MAP4K3: variants seen among roughly 807,000 people sequenced by gnomAD.
The protein encoded by MAP4K3 is MAPK/ERK kinase kinase kinase 3.
MAP4K3 carries 94 observed loss-of-function variants against 143.5 expected under a neutral mutation model. The ratio of observed to expected loss-of-function variants is 0.65; its 90% CI spans 0.55 to 0.78. MAP4K3 has a LOEUF of 0.78. Ranked by LOEUF, MAP4K3 falls within the 30% of genes least tolerant of loss-of-function variation. The probability of loss-of-function intolerance (pLI) is 0.00; values close to 1 mark genes in which losing one functional copy is unlikely to be tolerated. For synonymous variants in MAP4K3, 416 were observed against 347.2 expected (o/e 1.20, Z -2.20); for missense variants, 1,077 against 1,068.1 (o/e 1.01, Z -0.12).
intron 3 of MAP4K3, among the ~76,000 whole-genome samples, chr2:39,352,289 T>G (rs1293352663): frequency 6.6e-6 from 1 of 152,092 alleles, no homozygotes; most frequent in East Asian, 1.9e-4. Flanking sequence ...AGACTCTGTA[T>G]CAAAAAAAAT....
chr2:39,357,555 G>T (rs1665646020), intron 2 of MAP4K3, among the ~76,000 whole-genome samples: 1 of 152,174 alleles, frequency 6.6e-6, no homozygotes, highest in Non-Finnish European at 1.5e-5. Flanking sequence ...TACAAGGAAA[G>T]AAATAATGGA....
chr2:39,250,658 C>T lies in MAP4K3; in HGVS notation c.2645G>A (p.Ser882Asn). 6.2e-7 allele frequency: 1 copy of T among 1,613,942 alleles called. No individual in the cohort carries two copies. Among genetic ancestry groups the T allele is most frequent in the Non-Finnish European group, 8.5e-7 (1 of 1,179,902 alleles). ...SRPTDNPTAN[S>N]NLYILAGHEN... ...ATGACCCGCCAGGATGTACAAATTG[C>T]TATTTGCTGTGGGGTTATCAGTTGG... Residue 882 changes from serine (S) to asparagine (N), a missense_variant, in exon 34 of 34, where the codon AGC becomes AAC. By Grantham distance (46) the Ser-to-Asn change is conservative. Around this residue, in one of 2 missense-constraint regions of MAP4K3, gnomAD observed 864 missense variants for 801.2 expected, o/e 1.08. Coordinates refer to ENST00000263881, the MANE Select transcript of MAP4K3 (RefSeq NM_003618.4).
intron 3 of MAP4K3, among the ~76,000 whole-genome samples, chr2:39,355,522 ACT>A (rs963749714): frequency 4.0e-5 from 6 of 151,882 alleles, no homozygotes; most frequent in African/African-American, 9.7e-5. Flanking sequence ...ACAGAGTGAG[ACT>A]CTGTCCCGCC....
intron 13 of MAP4K3, among the ~76,000 whole-genome samples, chr2:39,314,622 T>G (rs924424931): frequency 6.6e-6 from 1 of 152,184 alleles, no homozygotes; most frequent in African/African-American, 2.4e-5. Context: ...GAATAAATGC[T>G]TCTAAGGAAT....
chr2:39,325,913 CTTTAG>C lies in MAP4K3; in HGVS notation c.706_710del (p.Leu236GlyfsTer2), dbSNP rs763563171. ...AAAATACTTACCATTTCATTTTATCCTTTAGTTTAGGAGGCTGAAAATTGCTTTTT... is the reference window on the plus strand; with the variant it reads ...AAAATACTTACCATTTCATTTTATCCTTTAGGAGGCTGAAAATTGCTTTTT... On this transcript the variant is annotated frameshift_variant, in exon 10 of 34. Coordinates refer to ENST00000263881, the MANE Select transcript of MAP4K3 (RefSeq NM_003618.4). LOFTEE classifies it high-confidence loss of function. 7 of 1,590,746 alleles carry C rather than the reference CTTTAG, an allele frequency of 4.4e-6. No individual in the cohort carries two copies. Among genetic ancestry groups the C allele is most frequent in the Admixed American group, 1.7e-5 (1 of 58,418 alleles).
chr2:39,426,886 G>A (rs1176597366), intron 1 of MAP4K3, among the ~76,000 whole-genome samples: 3 of 151,954 alleles, frequency 2.0e-5, no homozygotes, highest in Non-Finnish European at 4.4e-5. Flanking sequence ...GCTCTAAAGA[G>A]AAACAAGAAA....
At chr2:39,287,517 G>A (rs961982561) in intron 20 of MAP4K3, among the ~76,000 whole-genome samples, 1 of 151,882 alleles carries the variant, frequency 6.6e-6, no homozygotes, top group Non-Finnish European at 1.5e-5. Flanking sequence ...TGGTCAGGCT[G>A]GTCTCAAACT....
intron 1 of MAP4K3, among the ~76,000 whole-genome samples, chr2:39,429,175 A>G (rs541719612): frequency 6.6e-6 from 1 of 152,244 alleles, no homozygotes; most frequent in East Asian, 1.9e-4. Context: ...TTTTAATGAA[A>G]ACTGAAAATA....
intron 2 of MAP4K3, among the ~76,000 whole-genome samples, chr2:39,363,126 CA>C (rs1239262761): frequency 6.6e-6 from 1 of 151,910 alleles, no homozygotes; most frequent in Non-Finnish European, 1.5e-5. Flanking sequence ...AAACACAGGC[CA>C]AAACATTCAT....
At chr2:39,288,005 T>A (rs1196755361) in intron 20 of MAP4K3, 116 bp downstream of exon 20, 1 of 1,283,832 alleles carries the variant, frequency 7.8e-7, no homozygotes, top group African/African-American at 1.5e-5. Flanking sequence ...CCATAGCCAC[T>A]GCTTTCCTTC....
At chr2:39,409,381 C>G (rs777035987) in intron 1 of MAP4K3, among the ~76,000 whole-genome samples, 1 of 152,162 alleles carries the variant, frequency 6.6e-6, no homozygotes, top group Non-Finnish European at 1.5e-5. Flanking sequence ...GCTGGCTCCC[C>G]TAACCTCTCT....
At chr2:39,318,574 T>G (rs551633020) in intron 12 of MAP4K3, among the ~76,000 whole-genome samples, 3 of 152,118 alleles carry the variant, frequency 2.0e-5, no homozygotes, top group Non-Finnish European at 4.4e-5. Flanking sequence ...GTAACTAATA[T>G]ATGATATTTA....
intron 1 of MAP4K3, among the ~76,000 whole-genome samples, chr2:39,428,738 T>G (rs2148636148): frequency 6.6e-6 from 1 of 152,184 alleles, no homozygotes; most frequent in Non-Finnish European, 1.5e-5. Flanking sequence ...AATAGTCATT[T>G]TGCCTGTTTC....
chr2:39,435,326 CA>C (rs1373712531), intron 1 of MAP4K3, among the ~76,000 whole-genome samples: 2 of 152,200 alleles, frequency 1.3e-5, no homozygotes, highest in Admixed American at 6.5e-5. Flanking sequence ...TTGTCCTAAA[CA>C]AGTCCGATCT....
Position 39,291,954 on chromosome 2 carries a change from T to A in MAP4K3, c.1271+819A>T, listed in dbSNP as rs373095626. On this transcript the variant is annotated intron_variant, in intron 18 of 33. Coordinates refer to ENST00000263881, the MANE Select transcript of MAP4K3 (RefSeq NM_003618.4). The stretch of plus-strand genomic sequence containing the variant: ...TGAGGATTTCAAGGCCTAGAAAGTT[T>A]ATGTAACTTTACCCAAGATCAACCT... 7.9e-5 allele frequency among the ~76,000 whole-genome samples: 12 copies of A among 152,238 alleles called. No homozygotes were observed. The East Asian group carries it at 1.9e-3, about 25-fold the overall frequency.
chr2:39,261,021 C>T (rs1378700116), intron 28 of MAP4K3: 11 of 350,980 alleles, frequency 3.1e-5, no homozygotes, highest in East Asian at 1.9e-4. Context: ...TTATAAGTCA[C>T]GTGTCCAACC....
intron 21 of MAP4K3, among the ~76,000 whole-genome samples, chr2:39,285,983 G>A (rs1307479908): frequency 6.6e-6 from 1 of 152,186 alleles, no homozygotes; most frequent in African/African-American, 2.4e-5. Flanking sequence ...TAACATTTGT[G>A]ATAGGAGTAG....
At chr2:39,280,461 T>C in intron 22 of MAP4K3, 105 bp from the exon 23 acceptor site, 1 of 481,356 alleles carries the variant, frequency 2.1e-6, no homozygotes, top group Non-Finnish European at 3.6e-6. Flanking sequence ...ATAGATAGTA[T>C]ACTGAAATTA....
chr2:39,257,353 G>A (rs571261952), intron 31 of MAP4K3, among the ~76,000 whole-genome samples: 15 of 152,214 alleles, frequency 9.9e-5, no homozygotes, highest in African/African-American at 3.6e-4. Flanking sequence ...AGAATGACAA[G>A]AAGGAACTTC....
Sources: gnomAD v4.1 joint callset for allele counts (sites outside exome capture counted in the v4.1 genomes callset) on GRCh38, gnomAD v4.1.1 for gene constraint, gnomAD v4.1.1 regional missense constraint, MANE v1.5 for transcripts, NCBI Gene and HGNC (gene_info 2026-07-23, HGNC 2026-07-21) for gene names.